Variants in AGAP1 observed in about 807,000 individuals in gnomAD.
AGAP1 encodes the protein ArfGAP with GTPase domain, ankyrin repeat and PH domain 1.
AGAP1 carries 29 observed loss-of-function variants against 105.3 expected under a neutral mutation model. The ratio of observed to expected loss-of-function variants is 0.28; its 90% CI spans 0.21 to 0.38. The LOEUF (loss-of-function observed/expected upper bound fraction) is 0.38, where lower values mean the gene tolerates loss of function less well. AGAP1 is among the 10% of genes least tolerant of loss of function. The probability of loss-of-function intolerance (pLI) is 1.00; values close to 1 mark genes in which losing one functional copy is unlikely to be tolerated. For synonymous variants in AGAP1, 509 were observed against 485.9 expected (o/e 1.05, Z -0.63); for missense variants, 998 against 1,165.1 (o/e 0.86, Z 2.09).
rs920918827 is a variant in AGAP1 at position 235,851,590 on chromosome 2, G to A, written c.1051-31755G>A. Among the ~76,000 whole-genome samples the A allele has an allele frequency of 1.8e-4, 27 of 152,116 alleles. No individual in the cohort carries two copies. In the East Asian group the frequency reaches 1.9e-3, roughly 11 times the overall value. ...CTCCCCCCTTGGAGTGTTTGCAGCC[G>A]GCGAGCGCCAGGATGCCCGCGGCAG... On this transcript the variant is annotated intron_variant, in intron 9 of 17. Coordinates refer to ENST00000304032, the MANE Select transcript of AGAP1 (RefSeq NM_001037131.3).
intron 9 of AGAP1, among the ~76,000 whole-genome samples, chr2:235,823,981 C>T (rs983789567): frequency 1.3e-5 from 2 of 152,114 alleles, no homozygotes; most frequent in Non-Finnish European, 2.9e-5. Flanking sequence ...CTGGAAGAGG[C>T]AAAGATAAGA....
At chr2:235,681,037 G>C (rs532314366) in intron 1 of AGAP1, among the ~76,000 whole-genome samples, 5 of 152,088 alleles carry the variant, frequency 3.3e-5, no homozygotes, top group East Asian at 1.9e-4. Flanking sequence ...TAGGCAGAGT[G>C]TCGCTCTGTC....
rs2059175061 is a variant in AGAP1 at position 236,095,699 on chromosome 2, G to A, written c.2115-24493G>A. ...AATGCATAAAACTAATTAGAATAAT[G>A]CTGACAATGTAAAATTGTGGGAAAA... On this transcript the variant is annotated intron_variant, in intron 16 of 17. Transcript: ENST00000304032. This position sits in a 1 kb window ranked among gnomAD's most constrained non-coding sequence, Gnocchi z 4.1. Among the ~76,000 whole-genome samples, 1 of 152,154 alleles carries A rather than the reference G, an allele frequency of 6.6e-6. No individual in the cohort carries two copies. The highest frequency in any genetic ancestry group is 2.4e-5 in the African/African-American group (1 of 41,428).
intron 9 of AGAP1, among the ~76,000 whole-genome samples, chr2:235,881,245 A>G (rs1472820257): frequency 2.0e-5 from 3 of 152,216 alleles, no homozygotes; most frequent in African/African-American, 7.2e-5. Context: ...GAACTCAATT[A>G]TATCCCATAA....
intron 13 of AGAP1, among the ~76,000 whole-genome samples, chr2:235,999,482 ATGGTGAGAGGTGGTGGTGGTAG>A (rs1162050861): frequency 1.4e-5 from 2 of 143,746 alleles, no homozygotes; most frequent in Admixed American, 6.9e-5. Flanking sequence ...TGTGGTGACG[ATGGTGAGAGGTGGTGGTGGTAG>A]TGGTGATGGT....
At chr2:235,540,791 A>G (rs2149094225) in intron 1 of AGAP1, among the ~76,000 whole-genome samples, 1 of 152,282 alleles carries the variant, frequency 6.6e-6, no homozygotes, top group East Asian at 1.9e-4. Flanking sequence ...CGGGCAGTAT[A>G]AAAAGTGAGA....
intron 1 of AGAP1, among the ~76,000 whole-genome samples, chr2:235,503,275 A>G (rs866721910): frequency 2.6e-5 from 4 of 152,200 alleles, no homozygotes; most frequent in Non-Finnish European, 5.9e-5. Flanking sequence ...GGGAGAATCC[A>G]GCATATTTTC....
intron 1 of AGAP1, among the ~76,000 whole-genome samples, chr2:235,510,998 G>A (rs1023594112): frequency 1.3e-4 from 18 of 136,618 alleles, no homozygotes; most frequent in South Asian, 2.8e-4. Flanking sequence ...GTGGGGGGGC[G>A]GGGGGCGGCG....
In AGAP1 at chr2:235,714,330, A is replaced by G. The variant is rs1950989384; in HGVS notation, c.223-3227A>G. Among the ~76,000 whole-genome samples the G allele has an allele frequency of 6.6e-6, 1 of 152,010 alleles. No individual in the cohort carries two copies. Among genetic ancestry groups the G allele is most frequent in the African/African-American group, 2.4e-5 (1 of 41,382 alleles). ...CATGCCCAGCCAGGGGTTAGGTTTC[A>G]ACATATGAGTTTGGCTGGGAGTGTG... On this transcript the variant is annotated intron_variant, in intron 2 of 17. Coordinates refer to ENST00000304032, the MANE Select transcript of AGAP1 (RefSeq NM_001037131.3). This position sits in a 1 kb window ranked among gnomAD's most constrained non-coding sequence, Gnocchi z 4.1.
At chr2:236,007,452 G>C (rs983262677) in intron 13 of AGAP1, among the ~76,000 whole-genome samples, 1 of 152,212 alleles carries the variant, frequency 6.6e-6, no homozygotes, top group African/African-American at 2.4e-5. Flanking sequence ...TTGCCATTGT[G>C]GAGGCTGGTG....
chr2:235,723,456 C>T lies in AGAP1; in HGVS notation c.310+5812C>T, dbSNP rs1951487752. ...ATGTGGACCTGCCCAAGACACTTCA[C>T]CCCCTGCAGGTGGGGAGAGTGTGGC... On this transcript the variant is annotated intron_variant, in intron 3 of 17. Coordinates refer to ENST00000304032, the MANE Select transcript of AGAP1 (RefSeq NM_001037131.3). This position sits in a 1 kb window ranked among gnomAD's most constrained non-coding sequence, Gnocchi z 6.2. Among the ~76,000 whole-genome samples the T allele has an allele frequency of 6.6e-6, 1 of 152,220 alleles. No individual in the cohort carries two copies. The highest frequency in any genetic ancestry group is 1.5e-5 in the Non-Finnish European group (1 of 68,048).
At chr2:235,853,313 G>A in intron 9 of AGAP1, 1 of 767,682 alleles carries the variant, frequency 1.3e-6, no homozygotes, top group African/African-American at 1.9e-5. Flanking sequence ...CAGGTTGAGT[G>A]AGGAATTGTT....
chr2:236,079,152 G>A (rs2058716370), intron 16 of AGAP1, among the ~76,000 whole-genome samples: 1 of 152,124 alleles, frequency 6.6e-6, no homozygotes, highest in African/African-American at 2.4e-5. Context: ...GCCAGGCACT[G>A]TACTAGCACC....
intron 1 of AGAP1, chr2:235,671,166 C>T (rs2149360513): frequency 1.6e-5 from 19 of 1,169,322 alleles, no homozygotes; most frequent in East Asian, 6.5e-5. Context: ...CTGCACGTGG[C>T]CTCGAGGGAT....
At chr2:235,924,272 C>G (rs1430219940) in intron 11 of AGAP1, among the ~76,000 whole-genome samples, 1 of 152,150 alleles carries the variant, frequency 6.6e-6, no homozygotes, top group Non-Finnish European at 1.5e-5. Context: ...GCTGCAGTGT[C>G]CCCTGGAGCC....
At chr2:235,886,090 A>T (rs965228577) in intron 10 of AGAP1, among the ~76,000 whole-genome samples, 5 of 152,124 alleles carry the variant, frequency 3.3e-5, no homozygotes, top group Non-Finnish European at 5.9e-5. Context: ...CATCAGAACA[A>T]CAGCGAGGCA....
intron 1 of AGAP1, among the ~76,000 whole-genome samples, chr2:235,693,828 C>T (rs1949862343): frequency 6.6e-6 from 1 of 152,142 alleles, no homozygotes; most frequent in Non-Finnish European, 1.5e-5. Flanking sequence ...ACTTGATTTC[C>T]TCTGGCATAA....
chr2:235,689,885 T>C lies in AGAP1; in HGVS notation c.164-19294T>C, dbSNP rs1949656671. ...TCCTTTCCAGGAGTTTCTGTGTGCA[T>C]GATGCACTTCAGAACCTATAGTGTC... On this transcript the variant is annotated intron_variant, in intron 1 of 17. Coordinates refer to ENST00000304032, the MANE Select transcript of AGAP1 (RefSeq NM_001037131.3). This position sits in a 1 kb window ranked among gnomAD's most constrained non-coding sequence, Gnocchi z 4.2. Among the ~76,000 whole-genome samples the C allele has an allele frequency of 6.6e-6, 1 of 152,194 alleles. No homozygotes were observed. Among genetic ancestry groups the C allele is most frequent in the Non-Finnish European group, 1.5e-5 (1 of 68,040 alleles).
In AGAP1 at chr2:235,874,301, G is replaced by A. The variant is rs1327469573; in HGVS notation, c.1051-9044G>A. On this transcript the variant is annotated intron_variant, in intron 9 of 17. Coordinates refer to ENST00000304032, the MANE Select transcript of AGAP1 (RefSeq NM_001037131.3). This position sits in a 1 kb window ranked among gnomAD's most constrained non-coding sequence, Gnocchi z 4.5. ...CCTGACCTTGTGATCTGCCGGCCTCGGCCTCCCAAAGTGCTGGGGTTACAG... is the reference window on the plus strand; with the variant it reads ...CCTGACCTTGTGATCTGCCGGCCTCAGCCTCCCAAAGTGCTGGGGTTACAG... Among the ~76,000 whole-genome samples, 1 of 151,058 alleles carries A rather than the reference G, an allele frequency of 6.6e-6. No individual in the cohort carries two copies. Among genetic ancestry groups the A allele is most frequent in the African/African-American group, 2.4e-5 (1 of 41,034 alleles).
Sources: gnomAD v4.1 joint callset for allele counts (sites outside exome capture counted in the v4.1 genomes callset) on GRCh38, gnomAD v4.1.1 for gene constraint, Gnocchi (gnomAD v3.1) non-coding constraint, MANE v1.5 for transcripts, NCBI Gene and HGNC (gene_info 2026-07-23, HGNC 2026-07-21) for gene names.